The following DNAH17 variants were observed in gnomAD, a reference collection of about 807,000 sequenced individuals.
DNAH17 encodes dynein axonemal heavy chain 17.
A neutral mutation model predicts 485.6 loss-of-function variants in DNAH17; 376 were observed. That is an observed-to-expected ratio of 0.77 (90% CI 0.71 to 0.84). The LOEUF is 0.84. Ranked by LOEUF, DNAH17 falls within the 40% of genes least tolerant of loss-of-function variation. DNAH17 has a pLI of 0.00. For synonymous variants in DNAH17, 3,031 were observed against 2,405.9 expected, an observed-to-expected ratio of 1.26 and a Z score of -7.60; for missense variants, 6,370 against 5,839.3, an observed-to-expected ratio of 1.09 and a Z score of -2.96.
At chr17:78,478,359 TCACCAC>T (rs772440617) in intron 51 of DNAH17, among the ~76,000 whole-genome samples, 12 of 139,272 alleles carry the variant, frequency 8.6e-5, no homozygotes, top group East Asian at 4.3e-4. Context: ...CACATCACCA[TCACCAC>T]CACCATCACT....
chr17:78,450,173 G>A, intron 68 of DNAH17, 81 bp downstream of exon 68: 11 of 1,537,566 alleles, frequency 7.2e-6, no homozygotes, highest in Admixed American at 1.7e-5. Flanking sequence ...CCCGATGGCT[G>A]TGTGGGCAAC....
rs551691112 is a variant in DNAH17 at position 78,559,612 on chromosome 17, A to AG, written c.2031+1127dup. ...AACTGATTTTCCTGCTCTTTCCTCC[A>AG]GCCCCAGCTCCGTTCAATCTACGCA... is the stretch of plus-strand genomic sequence containing the variant. On this transcript the variant is annotated intron_variant, in intron 13 of 80. Coordinates refer to ENST00000389840, the MANE Select transcript of DNAH17 (RefSeq NM_173628.4). Among the ~76,000 whole-genome samples the AG allele has an allele frequency of 1.2e-4, 19 of 152,250 alleles. No individual in the cohort carries two copies. The South Asian group carries it at 3.7e-3, about 30-fold the overall frequency.
intron 19 of DNAH17, among the ~76,000 whole-genome samples, chr17:78,533,607 T>C (rs1271742232): frequency 3.9e-5 from 6 of 152,210 alleles, no homozygotes; most frequent in South Asian, 2.1e-4. Context: ...CGTTGGCTTA[T>C]ATACAGGACT....
rs141166138 is a variant in DNAH17, at chr17:78,446,991, T to G, written c.11212-1311A>C. ...TGTTGCTCTGTTGCCCCGGCTGGAG[T>G]GTAGTGCTGTGATCATGGCTCACTG... On this transcript the variant is annotated intron_variant, in intron 69 of 80. Transcript: ENST00000389840. Among the ~76,000 whole-genome samples the G allele has an allele frequency of 4.4e-3, 668 of 151,568 alleles. 7 individuals are homozygous for G. The highest frequency in any genetic ancestry group is 0.016 in the African/African-American group (645 of 41,316).
intron 62 of DNAH17, among the ~76,000 whole-genome samples, chr17:78,457,034 C>G (rs972737688): frequency 5.3e-5 from 8 of 152,246 alleles, no homozygotes; most frequent in African/African-American, 1.7e-4. Context: ...CTCCCAAACA[C>G]TGGGACCACG....
At chr17:78,539,014 T>G (rs978457611) in intron 18 of DNAH17, among the ~76,000 whole-genome samples, 1 of 152,104 alleles carries the variant, frequency 6.6e-6, no homozygotes, top group Non-Finnish European at 1.5e-5. Flanking sequence ...TGGTCGATCA[T>G]GAGGTCAGGA....
At chr17:78,504,502 C>A (rs76948299) in intron 31 of DNAH17, among the ~76,000 whole-genome samples, 3,025 of 151,106 alleles carry the variant, frequency 0.02, 105 homozygotes, top group African/African-American at 0.068. Flanking sequence ...ACCCCATCCA[C>A]GTAGAGCAGG....
intron 54 of DNAH17, among the ~76,000 whole-genome samples, chr17:78,473,841 G>A (rs904504200): frequency 6.6e-5 from 10 of 152,092 alleles, no homozygotes; most frequent in Admixed American, 4.6e-4. Context: ...AAAACCATAC[G>A]GCTCCAGGTT....
intron 19 of DNAH17, among the ~76,000 whole-genome samples, chr17:78,533,558 A>C (rs1375566494): frequency 6.6e-6 from 1 of 152,220 alleles, no homozygotes; most frequent in Non-Finnish European, 1.5e-5. Context: ...TGCCAGTGAC[A>C]GAAAACCCAA....
At position 78,567,191 on chromosome 17, in the gene DNAH17, A is replaced by C. The variant is rs192938363; in HGVS notation, c.1285-25T>G. 5 of 1,575,722 alleles carry C rather than the reference A, an allele frequency of 3.2e-6. No individual in the cohort carries two copies. The African/African-American group carries it at 6.8e-5, about 21-fold the overall frequency. On this transcript the variant is annotated intron_variant, in intron 9 of 80. Coordinates refer to ENST00000389840, the MANE Select transcript of DNAH17 (RefSeq NM_173628.4). ...CCTAGTGGAGGAGAAAAACACAGTC[A>C]ATTCATCTTCACAACCCAACTCACG...
In DNAH17 at chr17:78,537,439, C is replaced by T. The variant is rs759774790; in HGVS notation, c.2719G>A (p.Glu907Lys). The T allele has an allele frequency of 4.1e-5, 66 of 1,613,428 alleles. No individual in the cohort carries two copies. In the South Asian group the frequency reaches 5.1e-4, roughly 12 times the overall value. The stretch of plus-strand genomic sequence containing the variant: ...GTCGGGTTGAAGGTCAGCCCATCCT[C>T]GTCCAGCTCCATGCGGATCTCAAAC... The part of the protein sequence containing the change: ...PLFEIRMELD[E>K]DGLTFNPTLE... Residue 907 changes from glutamate (E) to lysine (K), a missense_variant, in exon 19 of 81, where the codon GAG becomes AAG. Glu to Lys is a moderately conservative substitution (Grantham distance 56). Transcript: ENST00000389840.
intron 71 of DNAH17, among the ~76,000 whole-genome samples, chr17:78,442,592 C>T (rs1467994798): frequency 6.6e-6 from 1 of 152,238 alleles, no homozygotes; most frequent in Non-Finnish European, 1.5e-5. Context: ...GCCAAATGGT[C>T]ATCGGCTGTG....
rs1310981594 is a variant in DNAH17, at chr17:78,445,783, C to A, written c.11212-103G>T. On this transcript the variant is annotated intron_variant, in intron 69 of 80. Transcript: ENST00000389840. Reference sequence around the variant, plus strand: ...AAGAGGAGTTCACACTCCCGGCCTGCAGGGGGCGCCCTGTCCTGCCCCTTT... The same window carrying A: ...AAGAGGAGTTCACACTCCCGGCCTGAAGGGGGCGCCCTGTCCTGCCCCTTT... 8 of 1,336,112 alleles carry A rather than the reference C, an allele frequency of 6.0e-6. No individual in the cohort carries two copies. In the African/African-American group the frequency reaches 1.0e-4, roughly 17 times the overall value. 82.8% of individuals were successfully genotyped at this position (1,336,112 alleles called of 1,614,324 possible).
chr17:78,525,015 A>C lies in DNAH17; in HGVS notation c.3858T>G (p.Val1286=), dbSNP rs756648641. The C allele has an allele frequency of 1.9e-5, 31 of 1,612,406 alleles. No individual in the cohort carries two copies. The highest frequency in any genetic ancestry group is 4.0e-5 in the African/African-American group (3 of 74,982). The change falls in exon 25 of 81, where the codon GTT becomes GTG. Residue 1286 remains valine (V), a synonymous_variant. Transcript: ENST00000389840. ...VRLLKELWDM[V]VVVNTSIEDW... The stretch of plus-strand genomic sequence containing the variant: ...CGGCGTGCCCTGCACTCACCACAAC[A>C]ACCATGTCCCAGAGCTCCTTCAGTA...
chr17:78,572,444 C>T (rs1157211809), intron 3 of DNAH17, among the ~76,000 whole-genome samples: 2 of 152,114 alleles, frequency 1.3e-5, no homozygotes, highest in Admixed American at 6.5e-5. Context: ...ATGTGTGACC[C>T]AGCGGGGGGT....
At chr17:78,541,380 G>C (rs2091581708) in intron 17 of DNAH17, among the ~76,000 whole-genome samples, 1 of 148,578 alleles carries the variant, frequency 6.7e-6, no homozygotes, top group Admixed American at 6.7e-5. Context: ...TGTGTAAGTG[G>C]ATGGATGGAT....
rs1311073549 is a variant in DNAH17 at position 78,571,773 on chromosome 17, A to G, written c.549T>C (p.Ser183=). 10 of 1,589,880 alleles carry G rather than the reference A, an allele frequency of 6.3e-6. No individual in the cohort carries two copies. Among genetic ancestry groups the G allele is most frequent in the Non-Finnish European group, 7.7e-6 (9 of 1,167,218 alleles). ...CGTGCAGGAGCAAGTTGTCCAGTGA[A>G]GAGGGGATCCTGCCCAGTGGAAGGT... ...GTLESMERIP[S]SLDNLLLHAI... is the part of the protein sequence containing the mutation. The change falls in exon 4 of 81, where the codon TCT becomes TCC. Residue 183 remains serine, a synonymous_variant. Coordinates refer to ENST00000389840, the MANE Select transcript of DNAH17 (RefSeq NM_173628.4).
chr17:78,480,650 G>A, intron 49 of DNAH17, 34 bp downstream of exon 49: 1 of 1,561,866 alleles, frequency 6.4e-7, no homozygotes, highest in African/African-American at 1.4e-5. Context: ...CAGACTCATG[G>A]CAGGTGACGG....
At chr17:78,440,347 T>C (rs1285229901) in intron 72 of DNAH17, among the ~76,000 whole-genome samples, 1 of 149,528 alleles carries the variant, frequency 6.7e-6, no homozygotes, top group African/African-American at 2.5e-5. Context: ...GCTTCAACCT[T>C]TTGGGCTCAA....
Sources: gnomAD v4.1 joint callset for allele counts (sites outside exome capture counted in the v4.1 genomes callset) on GRCh38, gnomAD v4.1.1 for gene constraint, MANE v1.5 for transcripts, NCBI Gene and HGNC (gene_info 2026-07-23, HGNC 2026-07-21) for gene names.